Variants in COL22A1 observed in about 807,000 individuals in gnomAD.
The protein encoded by COL22A1 is collagen alpha-1(XXII) chain.
COL22A1 carries 221 observed loss-of-function variants against 248.9 expected under a neutral mutation model. The ratio of observed to expected loss-of-function variants is 0.89; its 90% confidence interval spans 0.80 to 0.99. COL22A1 has a LOEUF of 0.99. Among genes scored for constraint, COL22A1 ranks in the 50% least tolerant of loss-of-function variants. COL22A1 has a pLI of 0.00. For missense variants in COL22A1, 2,240 were observed against 2,179.0 expected (o/e 1.03, Z -0.56); for synonymous variants, 891 against 793.4 (o/e 1.12, Z -2.07).
chr8:138,643,707 AAAAAT>A (rs1168921219), intron 47 of COL22A1, among the ~76,000 whole-genome samples: 1 of 149,596 alleles, frequency 6.7e-6, no homozygotes. Context: ...ATATATTTTA[AAAAAT>A]TTTTTTTTCT....
chr8:138,687,107 C>T (rs906099674), intron 37 of COL22A1, among the ~76,000 whole-genome samples: 1 of 152,168 alleles, frequency 6.6e-6, no homozygotes, highest in Non-Finnish European at 1.5e-5. Flanking sequence ...CAGGCATGTG[C>T]CACCATACCC....
chr8:138,617,002 T>C, intron 53 of COL22A1, 44 bp from the exon 54 acceptor site: 4 of 1,611,718 alleles, frequency 2.5e-6, no homozygotes, highest in Non-Finnish European at 3.4e-6. Context: ...GAGCAGGCTC[T>C]TGGGGCAGAA....
intron 23 of COL22A1, among the ~76,000 whole-genome samples, chr8:138,729,008 G>A (rs1174833065): frequency 6.6e-6 from 1 of 152,022 alleles, no homozygotes; most frequent in Non-Finnish European, 1.5e-5. Context: ...CCGGGAGAGA[G>A]AAAAAAACCA....
At chr8:138,911,283 A>G (rs1363252382) in intron 1 of COL22A1, among the ~76,000 whole-genome samples, 1 of 152,242 alleles carries the variant, frequency 6.6e-6, no homozygotes, top group Admixed American at 6.5e-5. Context: ...CCTCTTCTAC[A>G]GGGCAGCCCT....
intron 6 of COL22A1, among the ~76,000 whole-genome samples, chr8:138,824,748 T>C (rs1170866204): frequency 6.6e-6 from 1 of 152,220 alleles, no homozygotes; most frequent in Admixed American, 6.5e-5. Context: ...ATCTTCTTTA[T>C]AGGTCTTTAT....
chr8:138,675,411 T>C (rs906382047), intron 41 of COL22A1, among the ~76,000 whole-genome samples: 1 of 152,252 alleles, frequency 6.6e-6, no homozygotes, highest in African/African-American at 2.4e-5. Context: ...GTGGCCTTCA[T>C]TTATTGAATG....
Position 138,607,972 on chromosome 8 carries a change from C to T in COL22A1, c.3996G>A (p.Pro1332=), listed in dbSNP as rs145928743. The part of the protein sequence containing the change: ...PRGPPGKNGS[P]GSPGEPGPSG... ...AAGGGCCAGGCTCTCCTGGAGATCC[C>T]GGTGATCCATTCTTGCCCTGGTGGA... Residue 1332 remains proline (P), a synonymous_variant, in exon 57 of 65, where the codon CCG becomes CCA. Transcript: ENST00000303045. 3.1e-5 allele frequency: 50 copies of T among 1,614,030 alleles called. No individual in the cohort carries two copies. Among genetic ancestry groups the T allele is most frequent in the Non-Finnish European group, 3.5e-5 (41 of 1,180,004 alleles).
chr8:138,723,174 G>A (rs1830032984), intron 25 of COL22A1, among the ~76,000 whole-genome samples: 1 of 152,086 alleles, frequency 6.6e-6, no homozygotes. Flanking sequence ...AGCTATTAGT[G>A]CTGTTCAAAA....
At chr8:138,841,791 G>A (rs773652815) in intron 4 of COL22A1, among the ~76,000 whole-genome samples, 8 of 152,138 alleles carry the variant, frequency 5.3e-5, no homozygotes, top group Non-Finnish European at 8.8e-5. Flanking sequence ...GGCAGCAAAG[G>A]AAGTGCAATT....
intron 6 of COL22A1, among the ~76,000 whole-genome samples, chr8:138,822,522 A>G (rs1238817197): frequency 6.6e-6 from 1 of 152,230 alleles, no homozygotes; most frequent in African/African-American, 2.4e-5. Context: ...GGCACAGAAC[A>G]TGAGTATCCA....
chr8:138,898,022 C>T (rs866814060), intron 1 of COL22A1, among the ~76,000 whole-genome samples: 3 of 152,178 alleles, frequency 2.0e-5, no homozygotes, highest in Non-Finnish European at 4.4e-5. Flanking sequence ...GCAGATGGGG[C>T]GAGAGATCTC....
rs182577141 is a variant in COL22A1 at position 138,744,284 on chromosome 8, G to A, written c.2086-6707C>T. Among the ~76,000 whole-genome samples, 11 of 152,242 alleles carry A rather than the reference G, an allele frequency of 7.2e-5. No homozygotes were observed. In the East Asian group the frequency reaches 2.1e-3, roughly 29 times the overall value. ...ATCTACTAGAAATCAGAGCTGGTGG[G>A]CCAGATAACCTTCAACAATAATGAG... On this transcript the variant is annotated intron_variant, in intron 22 of 64. Transcript: ENST00000303045.
At chr8:138,664,713 A>G (rs1824342040) in intron 41 of COL22A1, among the ~76,000 whole-genome samples, 1 of 152,182 alleles carries the variant, frequency 6.6e-6, no homozygotes, top group Non-Finnish European at 1.5e-5. Context: ...TCTCTCTAGC[A>G]CTCAGCAAGT....
intron 3 of COL22A1, among the ~76,000 whole-genome samples, chr8:138,868,734 CTTT>C (rs34915430): frequency 6.9e-6 from 1 of 145,550 alleles, no homozygotes; most frequent in African/African-American, 2.5e-5. Context: ...CATTGTCCTC[CTTT>C]TTTTTTTTTT....
chr8:138,808,975 A>C (rs922551545), intron 9 of COL22A1, among the ~76,000 whole-genome samples: 2 of 152,238 alleles, frequency 1.3e-5, no homozygotes, highest in African/African-American at 2.4e-5. Flanking sequence ...ACTCAATTGA[A>C]GTTTTAAACC....
Position 138,663,762 on chromosome 8 carries a change from T to C in COL22A1, c.3151-22A>G, listed in dbSNP as rs542862092. 7 of 1,596,704 alleles carry C rather than the reference T, an allele frequency of 4.4e-6. No individual in the cohort carries two copies. In the African/African-American group the frequency reaches 5.4e-5, roughly 12 times the overall value. On this transcript the variant is annotated intron_variant, in intron 41 of 64. Coordinates refer to ENST00000303045, the MANE Select transcript of COL22A1 (RefSeq NM_152888.3). Reference sequence around the variant, plus strand: ...GGCCCTAGAAACAAACAAACAAGTATGTAAGCAAAGTAGAAATGGCATGCT... The same window carrying C: ...GGCCCTAGAAACAAACAAACAAGTACGTAAGCAAAGTAGAAATGGCATGCT...
chr8:138,735,538 T>C (rs1831044145), intron 23 of COL22A1, among the ~76,000 whole-genome samples: 1 of 152,202 alleles, frequency 6.6e-6, no homozygotes, highest in South Asian at 2.1e-4. Context: ...GGAAAAATTA[T>C]AGCTTAAAAT....
chr8:138,822,971 C>A (rs1159979328), intron 6 of COL22A1, among the ~76,000 whole-genome samples: 1 of 152,204 alleles, frequency 6.6e-6, no homozygotes, highest in Non-Finnish European at 1.5e-5. Flanking sequence ...ACCCTTATCC[C>A]TTAACCGCAT....
chr8:138,663,779 T>C (rs1184366981), intron 41 of COL22A1, 39 bp from the exon 42 acceptor site: 7 of 1,526,302 alleles, frequency 4.6e-6, no homozygotes, highest in South Asian at 3.4e-5. Flanking sequence ...AAAGTAGAAA[T>C]GGCATGCTGA....
Sources: gnomAD v4.1 joint callset for allele counts (sites outside exome capture counted in the v4.1 genomes callset) on GRCh38, gnomAD v4.1.1 for gene constraint, MANE v1.5 for transcripts, NCBI Gene and HGNC (gene_info 2026-07-23, HGNC 2026-07-21) for gene names.